The following PLCB1 variants were observed in gnomAD, a reference collection of about 807,000 sequenced individuals.
PLCB1 encodes 1-phosphatidylinositol 4,5-bisphosphate phosphodiesterase beta-1.
PLCB1 carries 46 observed loss-of-function variants against 161.8 expected under a neutral mutation model. The observed-to-expected ratio is 0.28, with a 90% CI of 0.22 to 0.36. PLCB1 has a LOEUF of 0.36. Among genes scored for constraint, PLCB1 ranks in the 10% least tolerant of loss-of-function variants. The pLI, the probability that PLCB1 is intolerant of heterozygous loss-of-function variation, is 1.00. For synonymous variants in PLCB1, 517 were observed against 503.7 expected (o/e 1.03, Z -0.35); for missense variants, 1,016 against 1,472.5 (o/e 0.69, Z 5.07).
Position 8,271,908 on chromosome 20 carries a change from T to C in PLCB1, c.178-99474T>C, listed in dbSNP as rs192330976. ...CATTTATCAAGTAGCACATTCCACC[T>C]ACACAGGCTCTGAAGAAAGAAAGAG... On this transcript the variant is annotated intron_variant, in intron 2 of 31. Coordinates refer to ENST00000338037, the MANE Select transcript of PLCB1 (RefSeq NM_015192.4). 4.5e-3 allele frequency among the ~76,000 whole-genome samples: 689 copies of C among 152,250 alleles called. 6 individuals are homozygous for C. Among genetic ancestry groups the C allele is most frequent in the Non-Finnish European group, 7.4e-3 (506 of 67,992 alleles).
At chr20:8,742,940 A>C (rs1980960668) in intron 23 of PLCB1, among the ~76,000 whole-genome samples, 1 of 152,168 alleles carries the variant, frequency 6.6e-6, no homozygotes, top group Admixed American at 6.5e-5. Context: ...AATCAGTTCT[A>C]ATAGTTAGTT....
In PLCB1 at chr20:8,394,528, A is replaced by G. The variant is rs576407185; in HGVS notation, c.246+23078A>G. On this transcript the variant is annotated intron_variant, in intron 3 of 31. Transcript: ENST00000338037. ...GTGGTTAAGAGGCTCCACCAGTATT[A>G]CTCATGTGGTCACAATCAAGTTGCT... Among the ~76,000 whole-genome samples, 11 of 152,122 alleles carry G rather than the reference A, an allele frequency of 7.2e-5. No individual in the cohort carries two copies. In the South Asian group the frequency reaches 1.2e-3, roughly 17 times the overall value.
rs1382745646 is a variant in PLCB1 at position 8,179,496 on chromosome 20, A to G, written c.177+29125A>G. Among the ~76,000 whole-genome samples, 3 of 152,246 alleles carry G rather than the reference A, an allele frequency of 2.0e-5. No individual in the cohort carries two copies. In the East Asian group the frequency reaches 5.8e-4, roughly 29 times the overall value. ...TCATACATTGATTTTGTATCCTGAA[A>G]ATTTGCTGAAGTTGTTTATTAGATC... On this transcript the variant is annotated intron_variant, in intron 2 of 31. Transcript: ENST00000338037.
chr20:8,626,411 T>C (rs560275758), intron 3 of PLCB1, among the ~76,000 whole-genome samples: 1 of 152,268 alleles, frequency 6.6e-6, no homozygotes, highest in East Asian at 1.9e-4. Context: ...AAACCTAGTA[T>C]CTGCAATTCT....
chr20:8,263,025 TG>T (rs1230480166), intron 2 of PLCB1, among the ~76,000 whole-genome samples: 7 of 152,130 alleles, frequency 4.6e-5, no homozygotes, highest in Non-Finnish European at 1.0e-4. Flanking sequence ...CAAATGAATT[TG>T]GGGGAACACA....
At chr20:8,683,853 T>G (rs1326888305) in intron 9 of PLCB1, among the ~76,000 whole-genome samples, 1 of 152,182 alleles carries the variant, frequency 6.6e-6, no homozygotes, top group Non-Finnish European at 1.5e-5. Flanking sequence ...ATCTTTATTT[T>G]CTGTTTCAGA....
At chr20:8,879,807 T>C (rs1163566234) in intron 31 of PLCB1, among the ~76,000 whole-genome samples, 2 of 152,126 alleles carry the variant, frequency 1.3e-5, no homozygotes, top group Non-Finnish European at 2.9e-5. Flanking sequence ...AAGACAGATG[T>C]CCTGGAGATT....
chr20:8,557,103 T>C (rs913711372), intron 3 of PLCB1, among the ~76,000 whole-genome samples: 10 of 151,778 alleles, frequency 6.6e-5, no homozygotes, highest in Admixed American at 1.3e-4. Context: ...CTAGTGATGA[T>C]AGGAAATGGT....
intron 3 of PLCB1, among the ~76,000 whole-genome samples, chr20:8,511,391 A>G (rs1983888134): frequency 6.6e-6 from 1 of 152,176 alleles, no homozygotes; most frequent in South Asian, 2.1e-4. Flanking sequence ...GGAGATAAAT[A>G]TATATAAAAC....
Position 8,884,089 on chromosome 20 carries a change from A to G in PLCB1, c.*2240A>G, listed in dbSNP as rs1046775242. On this transcript the variant is annotated 3_prime_UTR_variant, in exon 32 of 32. Transcript: ENST00000338037. ...ACTGTTTTGGTAGTTGGATTTCATT[A>G]TCTTAGTGAATTTAGTCATTTTACA... 13 of 152,302 alleles carry G rather than the reference A, an allele frequency of 8.5e-5. No homozygotes were observed. Among genetic ancestry groups the G allele is most frequent in the Non-Finnish European group, 1.9e-4 (13 of 67,996 alleles). The allele number at this position is 152,302 out of a possible 1,614,324, so 9.4% of individuals were successfully genotyped here.
intron 2 of PLCB1, among the ~76,000 whole-genome samples, chr20:8,186,151 C>A (rs2051902833): frequency 6.6e-6 from 1 of 151,970 alleles, no homozygotes. Context: ...TGATTTTATC[C>A]CAAAGTTTGG....
At chr20:8,206,317 T>G (rs1978526765) in intron 2 of PLCB1, among the ~76,000 whole-genome samples, 1 of 152,196 alleles carries the variant, frequency 6.6e-6, no homozygotes, top group Non-Finnish European at 1.5e-5. Flanking sequence ...ATCATTTATG[T>G]ATTGTGAACA....
intron 2 of PLCB1, among the ~76,000 whole-genome samples, chr20:8,222,384 A>G (rs1979458358): frequency 6.6e-6 from 1 of 152,162 alleles, no homozygotes; most frequent in Non-Finnish European, 1.5e-5. Flanking sequence ...GGGGTAACGT[A>G]GTTGTTTCAA....
intron 2 of PLCB1, among the ~76,000 whole-genome samples, chr20:8,189,082 A>T (rs59576294): frequency 0.04 from 6,100 of 152,082 alleles, 358 homozygotes; most frequent in African/African-American, 0.12. Flanking sequence ...CTATCTCTGT[A>T]CATTTGACTG....
chr20:8,764,173 G>A (rs1231128136), intron 25 of PLCB1, among the ~76,000 whole-genome samples: 1 of 151,930 alleles, frequency 6.6e-6, no homozygotes, highest in Admixed American at 6.6e-5. Context: ...TCTCAAAAAA[G>A]AAAATAGTAA....
chr20:8,304,637 T>C (rs527927067), intron 2 of PLCB1, among the ~76,000 whole-genome samples: 192 of 148,374 alleles, frequency 1.3e-3, no homozygotes, highest in Non-Finnish European at 1.8e-3. Flanking sequence ...GAGAGTGCTT[T>C]GTGTGTGTGT....
intron 3 of PLCB1, among the ~76,000 whole-genome samples, chr20:8,461,471 A>G (rs191288026): frequency 5.4e-4 from 82 of 152,282 alleles, no homozygotes; most frequent in Middle Eastern, 3.4e-3. Context: ...TGTAATACCT[A>G]TCTCACAGAG....
At chr20:8,626,158 A>G (rs1434446625) in intron 3 of PLCB1, among the ~76,000 whole-genome samples, 4 of 145,598 alleles carry the variant, frequency 2.7e-5, no homozygotes, top group Non-Finnish European at 6.0e-5. Context: ...AGCCTGAGCA[A>G]CAAAGCAAGA....
Position 8,697,772 on chromosome 20 carries a change from A to G in PLCB1, c.1156A>G (p.Ile386Val). 6.2e-7 allele frequency: 1 copy of G among 1,614,146 alleles called. No individual in the cohort carries two copies. Among genetic ancestry groups the G allele is most frequent in the Non-Finnish European group, 8.5e-7 (1 of 1,180,000 alleles). ...CCATGGCTTCACCATGACAACTGAA[A>G]TATCTTTCAAGGTAGAGTATATGAA... is the stretch of plus-strand genomic sequence containing the variant. ...ITHGFTMTTE[I>V]SFKEVIEAIA... The change falls in exon 11 of 32, where the codon ATA becomes GTA. Residue 386 changes from isoleucine to valine, a missense_variant. By Grantham distance (29) the Ile-to-Val change is conservative. Transcript: ENST00000338037.
Sources: allele counts gnomAD v4.1 joint callset (sites outside exome capture counted in the v4.1 genomes callset), GRCh38; gene constraint gnomAD v4.1.1; transcripts MANE v1.5; gene names NCBI Gene and HGNC (gene_info 2026-07-23, HGNC 2026-07-21).